Variants in PCDHGA12 observed in about 807,000 individuals in gnomAD.
PCDHGA12 encodes protocadherin gamma subfamily A, 12, also known as protocadherin gamma-A12.
Under a neutral mutation model 61.1 loss-of-function variants are expected in PCDHGA12, and 43 were observed. The observed-to-expected ratio is 0.70, with a 90% CI of 0.55 to 0.91. The LOEUF (loss-of-function observed/expected upper bound fraction) is 0.91, where lower values mean the gene tolerates loss of function less well. PCDHGA12 is among the 40% of genes least tolerant of loss of function. The pLI is 0.00. For synonymous variants in PCDHGA12, 520 were observed against 542.9 expected (o/e 0.96, Z 0.59); for missense variants, 1,236 against 1,227.7 (o/e 1.01, Z -0.10).
intron 1 of PCDHGA12, among the ~76,000 whole-genome samples, chr5:141,448,768 G>T (rs544426582): frequency 2.6e-5 from 4 of 151,750 alleles, no homozygotes; most frequent in Non-Finnish European, 4.4e-5. Context: ...GTGAAACCCC[G>T]TCTGTACTAA....
chr5:141,455,149 TTA>T (rs537241375), intron 1 of PCDHGA12, among the ~76,000 whole-genome samples: 1 of 148,248 alleles, frequency 6.7e-6, no homozygotes, highest in Non-Finnish European at 1.5e-5. Context: ...TAAATAAATA[TTA>T]GTTTGTTGGT....
At position 141,490,979 on chromosome 5, in the gene PCDHGA12, C is replaced by T. The variant is rs1217345302; in HGVS notation, c.2425-3828C>T. 6.2e-7 allele frequency: 1 copy of T among 1,614,086 alleles called. No individual in the cohort carries two copies. The highest frequency in any genetic ancestry group is 8.5e-7 in the Non-Finnish European group (1 of 1,180,014). ...GAACACTCAGCCCCCCAGCGTCTCC[C>T]TCGCTCTGCTCCTCCTGGCTCCTTG... On this transcript the variant is annotated intron_variant, in intron 1 of 3. Transcript: ENST00000252085. This position sits in a 1 kb window ranked among gnomAD's most constrained non-coding sequence, Gnocchi z 5.4.
Position 141,493,957 on chromosome 5 carries a change from G to A in PCDHGA12, c.2425-850G>A, listed in dbSNP as rs1360777586. 6.6e-6 allele frequency among the ~76,000 whole-genome samples: 1 copy of A among 152,228 alleles called. No individual in the cohort carries two copies. The highest frequency in any genetic ancestry group is 2.4e-5 in the African/African-American group (1 of 41,458). On this transcript the variant is annotated intron_variant, in intron 1 of 3. Coordinates refer to ENST00000252085, the MANE Select transcript of PCDHGA12 (RefSeq NM_003735.3). This position sits in a 1 kb window ranked among gnomAD's most constrained non-coding sequence, Gnocchi z 4.3. ...AGACCAGAAGGGACTCAGGAATGAA[G>A]TGGCTGGCCAGAGCCCCACACCTTC... is the stretch of plus-strand genomic sequence containing the variant.
chr5:141,448,439 C>T (rs182359185), intron 1 of PCDHGA12, among the ~76,000 whole-genome samples: 7 of 152,232 alleles, frequency 4.6e-5, no homozygotes, highest in Admixed American at 4.6e-4. Context: ...ATTGAGAAGT[C>T]TGACTTCCAT....
At chr5:141,492,009 G>C in intron 1 of PCDHGA12, 1 of 617,702 alleles carries the variant, frequency 1.6e-6, no homozygotes, top group Non-Finnish European at 2.7e-6. Flanking sequence ...GATTTCCGCG[G>C]GTGTCGGGGG....
chr5:141,432,335 C>T lies in PCDHGA12; in HGVS notation c.1576C>T (p.Arg526Ter), dbSNP rs146691720. Residue 526 changes from arginine (R) to a stop codon, truncating the protein, a stop_gained, in exon 1 of 4, where the codon CGA (arginine) becomes TGA (stop). Coordinates refer to ENST00000252085, the MANE Select transcript of PCDHGA12 (RefSeq NM_003735.3). LOFTEE classifies it high-confidence loss of function. This position sits in a 1 kb window ranked among gnomAD's most constrained non-coding sequence, Gnocchi z 6.0. ...ALSSFDYEQF[R>*]DLQVKVMARD... ...GAGCTCCTTCGACTACGAGCAGTTC[C>T]GAGACTTGCAAGTGAAAGTGATGGC... 2.6e-5 allele frequency: 42 copies of T among 1,614,126 alleles called. No individual in the cohort carries two copies. Among genetic ancestry groups the T allele is most frequent in the African/African-American group, 1.2e-4 (9 of 74,940 alleles).
chr5:141,473,274 TA>T (rs2099318463), intron 1 of PCDHGA12, among the ~76,000 whole-genome samples: 1 of 152,210 alleles, frequency 6.6e-6, no homozygotes, highest in South Asian at 2.1e-4. Context: ...ATGCTATGAT[TA>T]TTTTACTATG....
In PCDHGA12 at chr5:141,432,973, G is replaced by T. The variant is rs150572360; in HGVS notation, c.2214G>T (p.Ser738=). The T allele has an allele frequency of 3.7e-6, 6 of 1,614,096 alleles. 1 individual carries two copies. The highest frequency in any genetic ancestry group is 1.7e-5 in the Admixed American group (1 of 60,014). Reference sequence around the variant, plus strand: ...GCGGCTTGACAGGAGCGCCGGCGTCGCACTTTGTGGGCGTGGACGGGGTGC... The same window carrying T: ...GCGGCTTGACAGGAGCGCCGGCGTCTCACTTTGTGGGCGTGGACGGGGTGC... The part of the protein sequence containing the change: ...SGGGLTGAPA[S]HFVGVDGVQA... Residue 738 remains serine (S), a synonymous_variant, in exon 1 of 4, where the codon TCG becomes TCT. Coordinates refer to ENST00000252085, the MANE Select transcript of PCDHGA12 (RefSeq NM_003735.3). This position sits in a 1 kb window ranked among gnomAD's most constrained non-coding sequence, Gnocchi z 6.0.
intron 1 of PCDHGA12, among the ~76,000 whole-genome samples, chr5:141,435,652 G>C (rs978809372): frequency 6.6e-6 from 1 of 152,108 alleles, no homozygotes; most frequent in Non-Finnish European, 1.5e-5. Context: ...TTTCTGAAAC[G>C]TGCACAGATT....
At chr5:141,449,796 A>G (rs1358409274) in intron 1 of PCDHGA12, among the ~76,000 whole-genome samples, 2 of 151,590 alleles carry the variant, frequency 1.3e-5, no homozygotes, top group Admixed American at 6.6e-5. Context: ...TTATTCCTAA[A>G]TACCTCATTG....
At position 141,460,338 on chromosome 5, in the gene PCDHGA12, T is replaced by C. The variant is rs1180912204; in HGVS notation, c.2424+27155T>C. Among the ~76,000 whole-genome samples, 4 of 152,222 alleles carry C rather than the reference T, an allele frequency of 2.6e-5. No homozygotes were observed. The East Asian group carries it at 7.7e-4, about 29-fold the overall frequency. On this transcript the variant is annotated intron_variant, in intron 1 of 3. Transcript: ENST00000252085. ...GCCTACTGAAAACTTATGATGATTT[T>C]CTCCTATATTTTCTTTTAGAAGTTT...
chr5:141,483,538 G>C (rs571240759), intron 1 of PCDHGA12, among the ~76,000 whole-genome samples: 1 of 152,230 alleles, frequency 6.6e-6, no homozygotes, highest in African/African-American at 2.4e-5. Flanking sequence ...AAGCTGGGTG[G>C]TTGACAGTGC....
At chr5:141,488,438 C>T (rs2099675393) in intron 1 of PCDHGA12, among the ~76,000 whole-genome samples, 1 of 152,146 alleles carries the variant, frequency 6.6e-6, no homozygotes, top group African/African-American at 2.4e-5. Flanking sequence ...CTCTGACCAC[C>T]CTCCTGGGTG....
In PCDHGA12 at chr5:141,485,053, G is replaced by A. The variant is rs555996081; in HGVS notation, c.2425-9754G>A. On this transcript the variant is annotated intron_variant, in intron 1 of 3. Coordinates refer to ENST00000252085, the MANE Select transcript of PCDHGA12 (RefSeq NM_003735.3). The surrounding 1 kb of genome is among the most constrained non-coding windows in gnomAD (Gnocchi z 5.7). ...GCGCGTAACCCTTGCGGCGCCGGCC[G>A]AACCGCGCCAGAGCTGGCGCGGGGA... 6.9e-5 allele frequency: 57 copies of A among 820,742 alleles called. 2 individuals carry two copies. In the South Asian group the frequency reaches 9.3e-4, roughly 13 times the overall value. 50.8% of individuals were successfully genotyped at this position (820,742 alleles called of 1,614,324 possible).
chr5:141,458,054 T>G (rs2098935656), intron 1 of PCDHGA12, among the ~76,000 whole-genome samples: 1 of 152,252 alleles, frequency 6.6e-6, no homozygotes, highest in Admixed American at 6.5e-5. Context: ...GGATTCTTGC[T>G]GCACTGATGC....
In PCDHGA12 at chr5:141,511,032, G is replaced by C. The variant is rs779589499; in HGVS notation, c.2658G>C (p.Gln886His). Residue 886 changes from glutamine to histidine, a missense_variant, in exon 4 of 4, where the codon CAG (glutamine) becomes CAC (histidine). Gln to His is a conservative substitution (Grantham distance 24). Coordinates refer to ENST00000252085, the MANE Select transcript of PCDHGA12 (RefSeq NM_003735.3). ...SARYGPQFTL[Q>H]HVPDYRQNVY... ...GCTACGGACCCCAGTTCACCCTGCA[G>C]CACGTGCCCGACTACCGCCAGAATG... 6.2e-7 allele frequency: 1 copy of C among 1,614,228 alleles called. No individual in the cohort carries two copies. The highest frequency in any genetic ancestry group is 8.5e-7 in the Non-Finnish European group (1 of 1,180,036).
rs767397479 is a variant in PCDHGA12 at position 141,430,717 on chromosome 5, T to C, written c.-43T>C. On this transcript the variant is annotated 5_prime_UTR_variant, in exon 1 of 4. Transcript: ENST00000252085. ...GCGAAGGAACTGCTCCTGACTTCAG[T>C]GGTTAAGGGCAGAATTGAAAATAAT... is the stretch of plus-strand genomic sequence containing the variant. The C allele has an allele frequency of 8.1e-6, 12 of 1,475,446 alleles. No individual in the cohort carries two copies. The East Asian group carries it at 2.4e-4, about 29-fold the overall frequency. 91.4% of individuals were successfully genotyped at this position (1,475,446 alleles called of 1,614,324 possible). A position where few individuals can be genotyped will look rare whatever the true frequency, so the allele number is the denominator to read the frequency against.
intron 1 of PCDHGA12, among the ~76,000 whole-genome samples, chr5:141,481,037 G>A (rs1438691746): frequency 2.0e-5 from 3 of 152,050 alleles, no homozygotes; most frequent in East Asian, 3.9e-4. Context: ...CAGCCTGGGC[G>A]ACAGAGCGAG....
In PCDHGA12 at chr5:141,433,363, CTATCT is replaced by C. The variant is rs2097590943; in HGVS notation, c.2424+181_2424+185del. On this transcript the variant is annotated intron_variant, in intron 1 of 3. Transcript: ENST00000252085. ...TGCAAGCCACCTACTGTCTGCCTAT[CTATCT>C]ATCTATCTATCTATCTATCTATCTA... 4 of 463,386 alleles carry C rather than the reference CTATCT, an allele frequency of 8.6e-6. No homozygotes were observed. The African/African-American group carries it at 1.1e-4, about 13-fold the overall frequency. 28.7% of individuals were successfully genotyped at this position (463,386 alleles called of 1,614,324 possible). A position where few individuals can be genotyped will look rare whatever the true frequency, so the allele number is the denominator to read the frequency against.
Sources: gnomAD v4.1 joint callset for allele counts (sites outside exome capture counted in the v4.1 genomes callset) on GRCh38, gnomAD v4.1.1 for gene constraint, Gnocchi (gnomAD v3.1) non-coding constraint, MANE v1.5 for transcripts, NCBI Gene and HGNC (gene_info 2026-07-23, HGNC 2026-07-21) for gene names.